Variants in ORAI2 observed in about 807,000 individuals in gnomAD.
ORAI2 encodes protein orai-2.
In ORAI2, 10 loss-of-function variants were observed where a neutral mutation model predicts 16.2. That is an observed-to-expected ratio of 0.62 (90% CI 0.38 to 1.04). The LOEUF is 1.04. ORAI2 is among the 50% of genes least tolerant of loss of function. ORAI2 has a pLI of 0.01. For synonymous variants in ORAI2, 150 were observed against 157.5 expected (o/e 0.95, Z 0.35); for missense variants, 238 against 355.5 (o/e 0.67, Z 2.66).
At position 102,447,214 on chromosome 7, in the gene ORAI2, A is replaced by T; in HGVS notation, c.*162A>T. On this transcript the variant is annotated 3_prime_UTR_variant, in exon 4 of 4. Transcript: ENST00000495936. ...ACTGGATGACTTCTCCTGAGATAGA[A>T]CCGTTTGGTTCAATGAGGGACTGTG... 1 of 825,328 alleles carries T rather than the reference A, an allele frequency of 1.2e-6. No individual in the cohort carries two copies. The allele number at this position is 825,328 out of a possible 1,614,324, so 51.1% of individuals were successfully genotyped here.
At chr7:102,434,555 C>A (rs1334416456) in intron 1 of ORAI2, among the ~76,000 whole-genome samples, 1 of 152,188 alleles carries the variant, frequency 6.6e-6, no homozygotes, top group African/African-American at 2.4e-5. Flanking sequence ...CCAGCCCACC[C>A]TTACTGATGG....
Position 102,455,973 on chromosome 7 carries a change from G to C in ORAI2, c.*8921G>C, listed in dbSNP as rs929904843. 1.3e-5 allele frequency: 2 copies of C among 152,524 alleles called. No individual in the cohort carries two copies. The highest frequency in any genetic ancestry group is 4.8e-5 in the African/African-American group (2 of 41,456). The allele number at this position is 152,524 out of a possible 1,614,324, so 9.4% of individuals were successfully genotyped here. A position where few individuals can be genotyped will look rare whatever the true frequency, so the allele number is the denominator to read the frequency against. On this transcript the variant is annotated 3_prime_UTR_variant, in exon 4 of 4. Transcript: ENST00000495936. ...TGACAGCTCCCAGAGGGTTCTGGGG[G>C]TGACTGTAAAGAGTGGTGCTGGCCC...
At chr7:102,437,172 C>T (rs146928022) in intron 2 of ORAI2, among the ~76,000 whole-genome samples, 2,330 of 152,240 alleles carry the variant, frequency 0.015, 17 homozygotes, top group Middle Eastern at 0.058. Context: ...TGAGTCCAGG[C>T]ATCTCCGCCT....
intron 1 of ORAI2, among the ~76,000 whole-genome samples, chr7:102,435,559 T>G (rs1294387741): frequency 2.2e-5 from 3 of 136,472 alleles, no homozygotes; most frequent in Non-Finnish European, 3.1e-5. Flanking sequence ...TTTTTTGAGA[T>G]GGAGTCTCGC....
chr7:102,443,110 CTTCTTCTTCTTCTTCTTCTTCTTTT>C (rs1173664795), intron 3 of ORAI2, among the ~76,000 whole-genome samples: 1 of 117,430 alleles, frequency 8.5e-6, no homozygotes, highest in African/African-American at 3.5e-5. Context: ...TCTTCTTCTT[CTTCTTCTTCTTCTTCTTCTTCTTTT>C]TTTTTTTTTT....
At chr7:102,444,314 A>T (rs957772329) in intron 3 of ORAI2, among the ~76,000 whole-genome samples, 2 of 151,362 alleles carry the variant, frequency 1.3e-5, no homozygotes, top group East Asian at 3.9e-4. Context: ...GTGCAGTGGC[A>T]TGATCTCAGC....
intron 3 of ORAI2, among the ~76,000 whole-genome samples, chr7:102,444,582 T>G (rs1383434641): frequency 6.7e-6 from 1 of 148,894 alleles, no homozygotes; most frequent in South Asian, 2.1e-4. Flanking sequence ...TTTTGTTGTT[T>G]TTTTTTCTTT....
chr7:102,439,814 T>C (rs1376042773), intron 3 of ORAI2, among the ~76,000 whole-genome samples: 1 of 151,986 alleles, frequency 6.6e-6, no homozygotes, highest in African/African-American at 2.4e-5. Flanking sequence ...GCGTGTTGGC[T>C]CACACCTGTA....
In ORAI2 at chr7:102,450,848, T is replaced by C. The variant is rs890776518; in HGVS notation, c.*3796T>C. 6.6e-6 allele frequency: 1 copy of C among 152,230 alleles called. No homozygotes were observed. The highest frequency in any genetic ancestry group is 1.5e-5 in the Non-Finnish European group (1 of 68,080). The allele number at this position is 152,230 out of a possible 1,614,324, so 9.4% of individuals were successfully genotyped here. A position where few individuals can be genotyped will look rare whatever the true frequency, so the allele number is the denominator to read the frequency against. On this transcript the variant is annotated 3_prime_UTR_variant, in exon 4 of 4. Transcript: ENST00000495936. ...GCAGCATGGGCGATGAGGAATGCCA[T>C]TGCAGCCTAGAAATTCGGTTTCTGG... is the stretch of plus-strand genomic sequence containing the variant.
chr7:102,443,135 T>C (rs1205706768), intron 3 of ORAI2, among the ~76,000 whole-genome samples: 173 of 130,006 alleles, frequency 1.3e-3, no homozygotes, highest in African/African-American at 6.0e-3. Context: ...CTTCTTCTTT[T>C]TTTTTTTTTT....
rs182729022 is a variant in ORAI2 at position 102,438,983 on chromosome 7, C to T, written c.27C>T (p.Ile9=). 4.5e-5 allele frequency: 73 copies of T among 1,613,964 alleles called. No individual in the cohort carries two copies. In the African/African-American group the frequency reaches 5.6e-4, roughly 12 times the overall value. Reference sequence around the variant, plus strand: ...TGAGTGCTGAGCTTAACGTGCCTATCGACCCCTCTGCTCCTGCCTGCCCTG... The same window carrying T: ...TGAGTGCTGAGCTTAACGTGCCTATTGACCCCTCTGCTCCTGCCTGCCCTG... MSAELNVP[I]DPSAPACPEP... is the part of the protein sequence containing the mutation. The change falls in exon 3 of 4, where the codon ATC becomes ATT. Residue 9 remains isoleucine (I), a synonymous_variant. Coordinates refer to ENST00000495936, the MANE Select transcript of ORAI2 (RefSeq NM_001126340.3).
rs1316360791 is a variant in ORAI2 at position 102,451,756 on chromosome 7, A to G, written c.*4704A>G. ...GCCCTCTGGCCTCCTGTCGCTGGTC[A>G]CTGGCCAGTGTCCTCCCAGGCTGCC... On this transcript the variant is annotated 3_prime_UTR_variant, in exon 4 of 4. Transcript: ENST00000495936. 6.6e-6 allele frequency: 1 copy of G among 152,226 alleles called. No individual in the cohort carries two copies. Among genetic ancestry groups the G allele is most frequent in the Non-Finnish European group, 1.5e-5 (1 of 68,046 alleles). The allele number at this position is 152,226 out of a possible 1,614,324, so 9.4% of individuals were successfully genotyped here. A position where few individuals can be genotyped will look rare whatever the true frequency, so the allele number is the denominator to read the frequency against.
chr7:102,441,317 A>G (rs1450470929), intron 3 of ORAI2, among the ~76,000 whole-genome samples: 283 of 150,104 alleles, frequency 1.9e-3, no homozygotes, highest in African/African-American at 6.8e-3. Context: ...TGAGGTGGGC[A>G]GATCACCTGG....
rs1797521144 is a variant in ORAI2 at position 102,451,604 on chromosome 7, A to T, written c.*4552A>T. On this transcript the variant is annotated 3_prime_UTR_variant, in exon 4 of 4. Transcript: ENST00000495936. The stretch of plus-strand genomic sequence containing the variant: ...CTGGATGAAACGGAATAAACCAGTG[A>T]TGCTATTCAAAGTCTTTCTGTTCTT... 2 of 152,244 alleles carry T rather than the reference A, an allele frequency of 1.3e-5. No individual in the cohort carries two copies. Among genetic ancestry groups the T allele is most frequent in the Non-Finnish European group, 2.9e-5 (2 of 68,060 alleles). 9.4% of individuals were successfully genotyped at this position (152,244 alleles called of 1,614,324 possible).
intron 3 of ORAI2, 38 bp downstream of exon 3, chr7:102,439,219 A>T (rs1481662285): frequency 3.2e-6 from 5 of 1,567,750 alleles, no homozygotes; most frequent in Non-Finnish European, 3.5e-6. Context: ...CACTGGTCAG[A>T]TGGGCTTTGC....
chr7:102,439,034 C>T lies in ORAI2; in HGVS notation c.78C>T (p.Tyr26=). ...CPEPGHKGMD[Y]RDWVRRSYLE... ...AGCCCGGCCATAAGGGCATGGATTA[C>T]CGGGACTGGGTCCGCCGCAGCTACC... Residue 26 remains tyrosine (Y), a synonymous_variant, in exon 3 of 4, where the codon TAC becomes TAT. Coordinates refer to ENST00000495936, the MANE Select transcript of ORAI2 (RefSeq NM_001126340.3). 6.2e-7 allele frequency: 1 copy of T among 1,614,048 alleles called. No individual in the cohort carries two copies. Among genetic ancestry groups the T allele is most frequent in the Non-Finnish European group, 8.5e-7 (1 of 1,180,042 alleles).
intron 2 of ORAI2, among the ~76,000 whole-genome samples, chr7:102,438,644 G>A (rs6977040): frequency 0.46 from 69,744 of 152,052 alleles, 16,431 homozygotes; most frequent in Middle Eastern, 0.67. Flanking sequence ...GCGTGGTGGC[G>A]GACACATAAT....
Position 102,446,551 on chromosome 7 carries a change from G to A in ORAI2, c.264G>A (p.Gln88=), listed in dbSNP as rs760931275. 2.5e-6 allele frequency: 4 copies of A among 1,612,122 alleles called. No individual in the cohort carries two copies. Among genetic ancestry groups the A allele is most frequent in the Non-Finnish European group, 3.4e-6 (4 of 1,179,630 alleles). The change falls in exon 4 of 4, where the codon CAG becomes CAA. Residue 88 remains glutamine, a synonymous_variant. Coordinates refer to ENST00000495936, the MANE Select transcript of ORAI2 (RefSeq NM_001126340.3). ...AGGTGCAGCTGGAGACGCAGTACCA[G>A]TACCCGCGGCCGCTGCTGATTGCCT... ...MVEVQLETQY[Q]YPRPLLIAFS... is the part of the protein sequence containing the mutation.
chr7:102,444,913 C>T (rs1797302344), intron 3 of ORAI2, among the ~76,000 whole-genome samples: 1 of 152,000 alleles, frequency 6.6e-6, no homozygotes. Flanking sequence ...GTGATCCACC[C>T]ACCTCGGCCT....
Sources: allele counts gnomAD v4.1 joint callset (sites outside exome capture counted in the v4.1 genomes callset), GRCh38; gene constraint gnomAD v4.1.1; transcripts MANE v1.5; gene names NCBI Gene and HGNC (gene_info 2026-07-23, HGNC 2026-07-21).